The following TDRD9 variants were observed in gnomAD, a reference collection of about 807,000 sequenced individuals.
TDRD9 encodes ATP-dependent RNA helicase TDRD9.
In TDRD9, 124 loss-of-function variants were observed where a neutral mutation model predicts 172.6. The ratio of observed to expected loss-of-function variants is 0.72; its 90% CI spans 0.62 to 0.83. TDRD9 has a LOEUF of 0.83. Ranked by LOEUF, TDRD9 falls within the 40% of genes least tolerant of loss-of-function variation. TDRD9 has a pLI of 0.00. For synonymous variants in TDRD9, 619 were observed against 617.1 expected (o/e 1.00, Z -0.05); for missense variants, 1,479 against 1,714.1 (o/e 0.86, Z 2.42).
intron 1 of TDRD9, among the ~76,000 whole-genome samples, chr14:103,935,457 GA>G (rs2030695307): frequency 6.6e-6 from 1 of 152,190 alleles, no homozygotes; most frequent in Non-Finnish European, 1.5e-5. Flanking sequence ...TTCAGGTAAG[GA>G]AGGCGAGACT....
chr14:104,040,467 C>A (rs1021262323), intron 33 of TDRD9, 133 bp downstream of exon 33: 6 of 979,028 alleles, frequency 6.1e-6, no homozygotes, highest in Non-Finnish European at 6.9e-6. Context: ...TGTGCACGTT[C>A]CTTGTCCCTC....
At chr14:104,050,215 T>C (rs1240562806) in intron 35 of TDRD9, among the ~76,000 whole-genome samples, 1 of 152,218 alleles carries the variant, frequency 6.6e-6, no homozygotes, top group Non-Finnish European at 1.5e-5. Context: ...ACCTTCTCAC[T>C]GTGCCCTCAC....
In TDRD9 at chr14:103,966,770, T is replaced by C. The variant is rs2032768387; in HGVS notation, c.704T>C (p.Leu235Pro). 2.6e-6 allele frequency: 4 copies of C among 1,551,378 alleles called. No homozygotes were observed. The highest frequency in any genetic ancestry group is 3.5e-6 in the Non-Finnish European group (4 of 1,146,828). ...TRLIYMTTGV[L>P]LQKIVSAKSL... Reference sequence around the variant, plus strand: ...CTAATTTATATGACAACTGGAGTCCTGCTTCAGAAAATAGTTAGTGCCAAG... The same window carrying C: ...CTAATTTATATGACAACTGGAGTCCCGCTTCAGAAAATAGTTAGTGCCAAG... The change falls in exon 5 of 36, where the codon CTG becomes CCG. Residue 235 changes from leucine (L) to proline (P), a missense_variant. Transcript: ENST00000409874.
chr14:104,031,639 C>G (rs1395545630), intron 29 of TDRD9, among the ~76,000 whole-genome samples: 1 of 151,966 alleles, frequency 6.6e-6, no homozygotes, highest in Non-Finnish European at 1.5e-5. Context: ...GCCAGGGTGT[C>G]TCCTTGTTCA....
rs575819052 is a variant in TDRD9, at chr14:104,026,826, G to A, written c.3169G>A (p.Val1057Ile). 9.9e-6 allele frequency: 16 copies of A among 1,614,012 alleles called. No homozygotes were observed. The highest frequency in any genetic ancestry group is 5.0e-5 in the Admixed American group (3 of 60,024). ...GAAGGTCTTCTCTGTGGTGCACAGC[G>A]TCCTGCACGTGGATGTGTACCAGTA... ...LVKVFSVVHS[V>I]LHVDVYQYSG... Residue 1057 changes from valine (V) to isoleucine (I), a missense_variant, in exon 28 of 36, where the codon GTC becomes ATC. Around this residue, in one of 3 missense-constraint regions of TDRD9, gnomAD observed 1,413 missense variants for 1,649.1 expected, o/e 0.86. Coordinates refer to ENST00000409874, the MANE Select transcript of TDRD9 (RefSeq NM_153046.3).
intron 32 of TDRD9, 77 bp from the exon 33 acceptor site, chr14:104,040,119 C>T (rs1466037858): frequency 4.2e-5 from 53 of 1,254,184 alleles, no homozygotes; most frequent in East Asian, 6.0e-5. Flanking sequence ...ATAATTTTAT[C>T]GGTCAATTTT....
chr14:103,938,388 G>A (rs1304422198), intron 1 of TDRD9, among the ~76,000 whole-genome samples: 9 of 3,484 alleles, frequency 2.6e-3, no homozygotes, highest in Non-Finnish European at 5.3e-3. Context: ...ATATATGTGT[G>A]TGTGTGTGTG....
At chr14:103,967,152 G>A (rs1453476483) in intron 5 of TDRD9, among the ~76,000 whole-genome samples, 1 of 151,930 alleles carries the variant, frequency 6.6e-6, no homozygotes, top group African/African-American at 2.4e-5. Context: ...AGACACATCA[G>A]CAAATAAATA....
chr14:104,041,313 G>A (rs1308822183), intron 33 of TDRD9, among the ~76,000 whole-genome samples: 1 of 152,188 alleles, frequency 6.6e-6, no homozygotes. Flanking sequence ...GTGACTTTGG[G>A]TGTGGCATGA....
rs375708590 is a variant in TDRD9 at position 103,988,014 on chromosome 14, G to A, written c.1115+1694G>A. Among the ~76,000 whole-genome samples the A allele has an allele frequency of 1.2e-4, 19 of 152,062 alleles. No individual in the cohort carries two copies. The South Asian group carries it at 1.7e-3, about 13-fold the overall frequency. On this transcript the variant is annotated intron_variant, in intron 8 of 35. Coordinates refer to ENST00000409874, the MANE Select transcript of TDRD9 (RefSeq NM_153046.3). ...TTATAAAATGCACCTCTTATCTCTC[G>A]TAACACTTAATTTTAAGACCTATTT...
chr14:104,049,225 C>T (rs1337061985), intron 34 of TDRD9, among the ~76,000 whole-genome samples: 3 of 151,902 alleles, frequency 2.0e-5, no homozygotes, highest in African/African-American at 7.3e-5. Flanking sequence ...ACTCTTTACT[C>T]CCTCATTGTT....
At chr14:104,043,962 C>T (rs1237076533) in intron 34 of TDRD9, among the ~76,000 whole-genome samples, 5 of 152,166 alleles carry the variant, frequency 3.3e-5, no homozygotes, top group East Asian at 1.9e-4. Flanking sequence ...GTGGGGGGCT[C>T]GTCGCCATGT....
intron 2 of TDRD9, among the ~76,000 whole-genome samples, chr14:103,956,986 G>A (rs915291957): frequency 1.3e-5 from 2 of 152,146 alleles, no homozygotes; most frequent in Non-Finnish European, 2.9e-5. Context: ...TCAGAGTCGG[G>A]CACAAATGTG....
intron 8 of TDRD9, among the ~76,000 whole-genome samples, chr14:103,987,123 T>TAC (rs143714763): frequency 0.03 from 4,323 of 145,694 alleles, 68 homozygotes; most frequent in East Asian, 0.037. Flanking sequence ...AAAAAATATA[T>TAC]ACACACACAC....
chr14:104,034,726 G>A (rs1273398795), intron 31 of TDRD9, among the ~76,000 whole-genome samples: 6 of 152,206 alleles, frequency 3.9e-5, no homozygotes, highest in Non-Finnish European at 8.8e-5. Flanking sequence ...AACCAAATAG[G>A]AGTTATCCCC....
At chr14:103,945,062 T>C (rs2031488457) in intron 1 of TDRD9, among the ~76,000 whole-genome samples, 1 of 152,212 alleles carries the variant, frequency 6.6e-6, no homozygotes, top group African/African-American at 2.4e-5. Flanking sequence ...AAGACAAATA[T>C]AAGTACACAA....
chr14:104,006,254 A>C lies in TDRD9; in HGVS notation c.1714-135A>C, dbSNP rs868009822. The C allele has an allele frequency of 1.6e-5, 11 of 689,574 alleles. No homozygotes were observed. In the South Asian group the frequency reaches 2.1e-4, roughly 13 times the overall value. The allele number at this position is 689,574 out of a possible 1,614,324, so 42.7% of individuals were successfully genotyped here. On this transcript the variant is annotated intron_variant, in intron 15 of 35. Coordinates refer to ENST00000409874, the MANE Select transcript of TDRD9 (RefSeq NM_153046.3). ...AAAAAGTTTTTTTTGGTAACATATC[A>C]ACCTTTCATAAATTGACTTAGAATG...
At chr14:104,003,318 G>A (rs1200661423) in intron 13 of TDRD9, among the ~76,000 whole-genome samples, 2 of 152,082 alleles carry the variant, frequency 1.3e-5, no homozygotes, top group African/African-American at 4.8e-5. Flanking sequence ...GTCTGTTTTA[G>A]CATCTATCTT....
rs68192057 is a variant in TDRD9, at chr14:103,952,729, C to CTTTTTT, written c.216-2914_216-2909dup. 3.5e-4 allele frequency among the ~76,000 whole-genome samples: 25 copies of CTTTTTT among 72,318 alleles called. 4 individuals are homozygous for CTTTTTT. The highest frequency in any genetic ancestry group is 1.5e-3 in the Admixed American group (7 of 4,614). 47.4% of individuals were successfully genotyped at this position (72,318 alleles called of 152,430 possible). A position where few individuals can be genotyped will look rare whatever the true frequency, so the allele number is the denominator to read the frequency against. ...TTAGTGATTTATAGGAATTCTCTCT[C>CTTTTTT]TTTTTTTTTTTTTTTTTTTTTTTTT... On this transcript the variant is annotated intron_variant, in intron 1 of 35. Transcript: ENST00000409874.
Sources: gnomAD v4.1 joint callset for allele counts (sites outside exome capture counted in the v4.1 genomes callset) on GRCh38, gnomAD v4.1.1 for gene constraint, gnomAD v4.1.1 regional missense constraint, MANE v1.5 for transcripts, NCBI Gene and HGNC (gene_info 2026-07-23, HGNC 2026-07-21) for gene names.